Variants in THOC7 observed in about 807,000 individuals in gnomAD.
THOC7 encodes NIF3L1-binding protein 1.
Under a neutral mutation model 33.1 loss-of-function variants are expected in THOC7, and 22 were observed. The ratio of observed to expected loss-of-function variants is 0.66; its 90% CI spans 0.47 to 0.95. The LOEUF is 0.95. THOC7 is among the 40% of genes least tolerant of loss of function. The pLI, the probability that THOC7 is intolerant of heterozygous loss-of-function variation, is 0.00. For synonymous variants in THOC7, 77 were observed against 76.8 expected, an observed-to-expected ratio of 1.00 and a Z score of -0.01; for missense variants, 184 against 245.3, an observed-to-expected ratio of 0.75 and a Z score of 1.67.
chr3:63,844,506 T>C (rs1701844256), intron 1 of THOC7, among the ~76,000 whole-genome samples: 1 of 152,076 alleles, frequency 6.6e-6, no homozygotes. Flanking sequence ...AATAAATACA[T>C]AAAAAAGAAG....
intron 1 of THOC7, among the ~76,000 whole-genome samples, chr3:63,850,585 CTT>C (rs61611564): frequency 4.1e-4 from 48 of 116,804 alleles, no homozygotes; most frequent in African/African-American, 1.5e-3. Flanking sequence ...TCTTTCTTTC[CTT>C]TTTTTTTTTT....
At position 63,834,203 on chromosome 3, in the gene THOC7, T is replaced by TA; in HGVS notation, c.548-5dup. 1 of 1,613,916 alleles carries TA rather than the reference T, an allele frequency of 6.2e-7. No individual in the cohort carries two copies. The highest frequency in any genetic ancestry group is 8.5e-7 in the Non-Finnish European group (1 of 1,179,926). ...ACCTCTGAGAGTTTTTCATCATCTG[T>TA]AATTGAGAAGGAAACATAAAACCTT... is the stretch of plus-strand genomic sequence containing the variant. On this transcript the variant is annotated splice_region_variant and splice_polypyrimidine_tract_variant and intron_variant, in intron 7 of 7. Transcript: ENST00000295899.
intron 1 of THOC7, among the ~76,000 whole-genome samples, chr3:63,841,013 G>T (rs1468949882): frequency 6.6e-6 from 1 of 152,196 alleles, no homozygotes; most frequent in Non-Finnish European, 1.5e-5. Flanking sequence ...ATAGTAGAAA[G>T]ATTGCAAACC....
At chr3:63,860,996 G>A (rs56329572) in intron 1 of THOC7, 15,729 of 152,100 alleles carry the variant, frequency 0.1, 972 homozygotes, top group Admixed American at 0.15. Context: ...TAAGAGAGAA[G>A]GCAAAGTCCA....
intron 1 of THOC7, among the ~76,000 whole-genome samples, chr3:63,853,228 G>GA (rs1702051531): frequency 6.6e-6 from 1 of 151,520 alleles, no homozygotes; most frequent in South Asian, 2.1e-4. Flanking sequence ...ACTTGGTTAG[G>GA]AAAAAACAGG....
intron 1 of THOC7, among the ~76,000 whole-genome samples, chr3:63,859,501 T>C (rs1324886517): frequency 6.6e-6 from 1 of 152,222 alleles, no homozygotes; most frequent in Non-Finnish European, 1.5e-5. Flanking sequence ...CTAGTTGTTG[T>C]CTCTATCTGG....
chr3:63,843,834 G>A (rs1701824744), intron 1 of THOC7, among the ~76,000 whole-genome samples: 1 of 152,020 alleles, frequency 6.6e-6, no homozygotes, highest in South Asian at 2.1e-4. Flanking sequence ...CCGGGAGGCG[G>A]AGCTTGCAGT....
intron 1 of THOC7, among the ~76,000 whole-genome samples, chr3:63,855,089 G>C (rs1702090349): frequency 1.3e-5 from 2 of 152,040 alleles, no homozygotes; most frequent in African/African-American, 2.4e-5. Flanking sequence ...ACATTGTCTA[G>C]AGTATACTGT....
At chr3:63,850,589 T>C (rs1413482003) in intron 1 of THOC7, among the ~76,000 whole-genome samples, 3 of 141,770 alleles carry the variant, frequency 2.1e-5, no homozygotes, top group Admixed American at 7.1e-5. Context: ...TCTTTCCTTT[T>C]TTTTTTTTTT....
At chr3:63,836,894 C>G (rs1380417528) in intron 4 of THOC7, among the ~76,000 whole-genome samples, 1 of 151,770 alleles carries the variant, frequency 6.6e-6, no homozygotes, top group Non-Finnish European at 1.5e-5. Context: ...GTTAAGCTTT[C>G]TTATGAAGTG....
chr3:63,835,123 A>T (rs761311658), intron 7 of THOC7, 31 bp downstream of exon 7: 1 of 1,605,540 alleles, frequency 6.2e-7, no homozygotes, highest in East Asian at 2.2e-5. Context: ...AAATCTTCAT[A>T]AGCATTTACT....
At chr3:63,863,693 C>G in intron 1 of THOC7, 79 bp downstream of exon 1, 2 of 1,239,654 alleles carry the variant, frequency 1.6e-6, no homozygotes, top group South Asian at 3.6e-5. Flanking sequence ...TTCCCGGAAG[C>G]GGGCCGGGAG....
intron 1 of THOC7, among the ~76,000 whole-genome samples, chr3:63,855,495 G>A (rs1159334460): frequency 1.3e-5 from 2 of 152,096 alleles, no homozygotes; most frequent in South Asian, 4.1e-4. Context: ...ACAGTTACTA[G>A]AGCAACTCTA....
intron 1 of THOC7, among the ~76,000 whole-genome samples, chr3:63,857,462 G>A (rs980420135): frequency 1.3e-5 from 2 of 152,160 alleles, no homozygotes; most frequent in African/African-American, 4.8e-5. Flanking sequence ...TAAAAAAAAT[G>A]TTCATGCAGA....
chr3:63,863,978 C>T, upstream of THOC7: 1 of 98,874 alleles, frequency 1.0e-5, no homozygotes. Flanking sequence ...GCCGCCGCCG[C>T]GGGACCCGCG....
chr3:63,840,491 T>G (rs534623465), intron 1 of THOC7, among the ~76,000 whole-genome samples: 1 of 152,198 alleles, frequency 6.6e-6, no homozygotes, highest in Non-Finnish European at 1.5e-5. Context: ...CTTGGGAGGC[T>G]GAGGTAGGAG....
At chr3:63,850,206 T>A (rs1291957347) in intron 1 of THOC7, among the ~76,000 whole-genome samples, 1 of 152,194 alleles carries the variant, frequency 6.6e-6, no homozygotes, top group East Asian at 1.9e-4. Flanking sequence ...CTTTTATTTA[T>A]TTATTTACTT....
chr3:63,846,175 C>T, intron 1 of THOC7: 1 of 448,650 alleles, frequency 2.2e-6, no homozygotes, highest in Non-Finnish European at 4.5e-6. Context: ...TTACAATCTA[C>T]TACTAAATAT....
At chr3:63,845,113 G>A (rs1016363235) in intron 1 of THOC7, 2 of 685,246 alleles carry the variant, frequency 2.9e-6, no homozygotes, top group South Asian at 1.5e-5. Flanking sequence ...TGGGGGTGGG[G>A]GGTACTATCT....
Sources: allele counts gnomAD v4.1 joint callset (sites outside exome capture counted in the v4.1 genomes callset), GRCh38; gene constraint gnomAD v4.1.1; transcripts MANE v1.5; gene names NCBI Gene and HGNC (gene_info 2026-07-23, HGNC 2026-07-21).